Variants in CFAP77 observed in about 807,000 individuals in gnomAD.
The protein encoded by CFAP77 is cilia and flagella associated protein 77.
A neutral mutation model predicts 31.1 loss-of-function variants in CFAP77; 25 were observed. The observed-to-expected ratio is 0.80, with a 90% CI of 0.59 to 1.12. The LOEUF (loss-of-function observed/expected upper bound fraction) is 1.12. CFAP77 is among the 50% of genes most tolerant of loss of function. The pLI is 0.00. For missense variants in CFAP77, 377 were observed against 397.3 expected (o/e 0.95, Z 0.44); for synonymous variants, 151 against 159.9 (o/e 0.94, Z 0.42).
chr9:132,456,289 C>A (rs1057377284), intron 1 of CFAP77, among the ~76,000 whole-genome samples: 2 of 152,118 alleles, frequency 1.3e-5, no homozygotes, highest in Non-Finnish European at 2.9e-5. Context: ...TGTTGTCCTG[C>A]CCCCCATCTT....
chr9:132,464,300 A>G (rs1851113756), intron 1 of CFAP77, among the ~76,000 whole-genome samples: 1 of 151,996 alleles, frequency 6.6e-6, no homozygotes, highest in African/African-American at 2.4e-5. Context: ...CTCTCCCAGC[A>G]TCTCCCATTT....
chr9:132,562,289 G>A (rs1252724073), intron 5 of CFAP77, among the ~76,000 whole-genome samples: 1 of 152,206 alleles, frequency 6.6e-6, no homozygotes, highest in African/African-American at 2.4e-5. Flanking sequence ...AAGAGGAAAA[G>A]GCAATAGTCC....
rs533275755 is a variant in CFAP77, at chr9:132,521,778, T to TTTTTTTTG, written c.525-15817_525-15816insTGTTTTTT. On this transcript the variant is annotated intron_variant, in intron 3 of 5. Transcript: ENST00000393216. ...ATAGACTTGCTTTTTTTTTTTTTTT[T>TTTTTTTTG]TTTTTTGAGATGAAGTCTCACTCTG... is the stretch of plus-strand genomic sequence containing the variant. Among the ~76,000 whole-genome samples, 160 of 106,144 alleles carry TTTTTTTTG rather than the reference T, an allele frequency of 1.5e-3. 5 individuals are homozygous for TTTTTTTTG. The highest frequency in any genetic ancestry group is 4.7e-3 in the African/African-American group (123 of 26,042). 69.6% of individuals were successfully genotyped at this position (106,144 alleles called of 152,430 possible). A position where few individuals can be genotyped will look rare whatever the true frequency, so the allele number is the denominator to read the frequency against.
Position 132,481,974 on chromosome 9 carries a change from C to A in CFAP77, c.196-16721C>A, listed in dbSNP as rs1038779894. ...GGTTTATGGTTGGGGGGGGGGGGGGCGGCGGAACACTGAACATTTTTCTTC... is the reference window on the plus strand; with the variant it reads ...GGTTTATGGTTGGGGGGGGGGGGGGAGGCGGAACACTGAACATTTTTCTTC... On this transcript the variant is annotated intron_variant, in intron 1 of 5. Transcript: ENST00000393216. The surrounding 1 kb of genome is among the most constrained non-coding windows in gnomAD (Gnocchi z 5.0). 8.9e-5 allele frequency among the ~76,000 whole-genome samples: 7 copies of A among 78,508 alleles called. No individual in the cohort carries two copies. The East Asian group carries it at 1.7e-3, about 19-fold the overall frequency. 51.5% of individuals were successfully genotyped at this position (78,508 alleles called of 152,430 possible).
rs1391218696 is a variant in CFAP77 at position 132,481,895 on chromosome 9, C to G, written c.196-16800C>G. Reference sequence around the variant, plus strand: ...CAATAAGATATTATGAAATATACATCAAAACAAAAGTCACTGGAGCGGGCG... The same window carrying G: ...CAATAAGATATTATGAAATATACATGAAAACAAAAGTCACTGGAGCGGGCG... On this transcript the variant is annotated intron_variant, in intron 1 of 5. Coordinates refer to ENST00000393216, the MANE Select transcript of CFAP77 (RefSeq NM_001282957.2). The surrounding 1 kb of genome is among the most constrained non-coding windows in gnomAD (Gnocchi z 5.0). Among the ~76,000 whole-genome samples, 6 of 138,426 alleles carry G rather than the reference C, an allele frequency of 4.3e-5. No individual in the cohort carries two copies. The Admixed American group carries it at 4.6e-4, about 11-fold the overall frequency. The allele number at this position is 138,426 out of a possible 152,430, so 90.8% of individuals were successfully genotyped here.
In CFAP77 at chr9:132,554,924, GCATCCATCCATCCACCCATC is replaced by G. The variant is rs1296284437; in HGVS notation, c.732+11892_732+11911del. Among the ~76,000 whole-genome samples the G allele has an allele frequency of 1.4e-5, 2 of 138,814 alleles. No individual in the cohort carries two copies. The highest frequency in any genetic ancestry group is 3.1e-5 in the Non-Finnish European group (2 of 64,696). 91.1% of individuals were successfully genotyped at this position (138,814 alleles called of 152,430 possible). Reference sequence around the variant, plus strand: ...TCCATCCATCTATGCATGCATGCATGCATCCATCCATCCACCCATCCATCCATCCATCCATCCATCCATCC... The same window carrying G: ...TCCATCCATCTATGCATGCATGCATGCATCCATCCATCCATCCATCCATCC... On this transcript the variant is annotated intron_variant, in intron 5 of 5. Coordinates refer to ENST00000393216, the MANE Select transcript of CFAP77 (RefSeq NM_001282957.2). The surrounding 1 kb of genome is among the most constrained non-coding windows in gnomAD (Gnocchi z 4.1).
chr9:132,500,281 G>A (rs1851820501), intron 3 of CFAP77, among the ~76,000 whole-genome samples: 1 of 152,124 alleles, frequency 6.6e-6, no homozygotes, highest in African/African-American at 2.4e-5. Flanking sequence ...GCTCAAACGT[G>A]GACTCTGGCC....
chr9:132,485,318 C>T (rs1301141162), intron 1 of CFAP77, among the ~76,000 whole-genome samples: 1 of 152,186 alleles, frequency 6.6e-6, no homozygotes, highest in African/African-American at 2.4e-5. Context: ...TGGAGGCTCT[C>T]ATGATACCTA....
chr9:132,495,867 C>A lies in CFAP77; in HGVS notation c.196-2828C>A, dbSNP rs757071344. Among the ~76,000 whole-genome samples, 1 of 152,260 alleles carries A rather than the reference C, an allele frequency of 6.6e-6. No individual in the cohort carries two copies. The highest frequency in any genetic ancestry group is 2.1e-4 in the South Asian group (1 of 4,814). On this transcript the variant is annotated intron_variant, in intron 1 of 5. Coordinates refer to ENST00000393216, the MANE Select transcript of CFAP77 (RefSeq NM_001282957.2). The surrounding 1 kb of genome is among the most constrained non-coding windows in gnomAD (Gnocchi z 4.2). Reference sequence around the variant, plus strand: ...GCCACGTGAAGATACAACAAGAAGGCGGCCATCTGCAAACCAAGAAGAGAG... The same window carrying A: ...GCCACGTGAAGATACAACAAGAAGGAGGCCATCTGCAAACCAAGAAGAGAG...
intron 5 of CFAP77, among the ~76,000 whole-genome samples, chr9:132,548,282 T>TGGGGGGGGGGGGGGGGGGGGGGG (rs1852765914): frequency 5.9e-5 from 2 of 33,950 alleles, no homozygotes; most frequent in South Asian, 1.4e-3. Context: ...GGCGGGGGGG[T>TGGGGGGGGGGGGGGGGGGGGGGG]GGGGGGTGAA....
chr9:132,538,840 C>A (rs188573186), intron 4 of CFAP77, among the ~76,000 whole-genome samples: 2 of 151,868 alleles, frequency 1.3e-5, no homozygotes, highest in African/African-American at 4.8e-5. Context: ...GTAATCCCAG[C>A]ACTTTGAGAG....
At chr9:132,542,178 G>C (rs1057308192) in intron 4 of CFAP77, among the ~76,000 whole-genome samples, 4 of 152,224 alleles carry the variant, frequency 2.6e-5, no homozygotes, top group African/African-American at 9.6e-5. Context: ...CCCGGGGGCT[G>C]CCCTGAGCCA....
At chr9:132,445,594 G>C (rs568920763) in intron 1 of CFAP77, among the ~76,000 whole-genome samples, 1 of 152,180 alleles carries the variant, frequency 6.6e-6, no homozygotes, top group East Asian at 1.9e-4. Context: ...TATGCTGGGC[G>C]CGGTGGCTCA....
chr9:132,447,876 G>A (rs1658681007), intron 1 of CFAP77, among the ~76,000 whole-genome samples: 1 of 152,158 alleles, frequency 6.6e-6, no homozygotes, highest in Admixed American at 6.5e-5. Context: ...ATATCCACTG[G>A]AGGAAAGACC....
rs184046631 is a variant in CFAP77, at chr9:132,542,048, G to A, written c.631-898G>A. On this transcript the variant is annotated intron_variant, in intron 4 of 5. Transcript: ENST00000393216. ...CCCAATTTAAGAGAAAATACACAAAGGAAACCTGAGACCCTGTGAGCTCAT... is the reference window on the plus strand; with the variant it reads ...CCCAATTTAAGAGAAAATACACAAAAGAAACCTGAGACCCTGTGAGCTCAT... Among the ~76,000 whole-genome samples, 513 of 152,326 alleles carry A rather than the reference G, an allele frequency of 3.4e-3. 2 individuals are homozygous for A. Among genetic ancestry groups the A allele is most frequent in the Middle Eastern group, 0.014 (4 of 294 alleles).
intron 1 of CFAP77, among the ~76,000 whole-genome samples, chr9:132,446,793 G>T (rs529402936): frequency 1.3e-5 from 2 of 151,488 alleles, no homozygotes; most frequent in East Asian, 3.9e-4. Flanking sequence ...CTGACTGAGG[G>T]CTCTACTGTG....
At chr9:132,555,518 T>C (rs1852888624) in intron 5 of CFAP77, among the ~76,000 whole-genome samples, 1 of 152,198 alleles carries the variant, frequency 6.6e-6, no homozygotes, top group Non-Finnish European at 1.5e-5. Context: ...CGAGGAACCA[T>C]GTGGCTGGAT....
At chr9:132,559,068 C>T (rs754745372) in intron 5 of CFAP77, among the ~76,000 whole-genome samples, 11 of 151,510 alleles carry the variant, frequency 7.3e-5, no homozygotes, top group Middle Eastern at 3.4e-3. Context: ...AATGGGTGGC[C>T]GGGCACAGTG....
rs769398138 is a variant in CFAP77, at chr9:132,499,449, C to A, written c.373C>A (p.Arg125Ser). The A allele has an allele frequency of 6.2e-7, 1 of 1,614,204 alleles. No homozygotes were observed. Among genetic ancestry groups the A allele is most frequent in the Admixed American group, 1.7e-5 (1 of 60,028 alleles). The change falls in exon 3 of 6, where the codon CGC becomes AGC. Residue 125 changes from arginine to serine, a missense_variant. Arg to Ser is a moderately radical substitution (Grantham distance 110). Coordinates refer to ENST00000393216, the MANE Select transcript of CFAP77 (RefSeq NM_001282957.2). The surrounding 1 kb of genome is among the most constrained non-coding windows in gnomAD (Gnocchi z 5.4). ...ELTRNYIAMN[R>S]GAVKAGLVTA... ...GACCCGGAATTATATCGCAATGAACCGCGGGGCGGTGAAAGCCGGCCTGGT... is the reference window on the plus strand; with the variant it reads ...GACCCGGAATTATATCGCAATGAACAGCGGGGCGGTGAAAGCCGGCCTGGT...
Sources: allele counts gnomAD v4.1 joint callset (sites outside exome capture counted in the v4.1 genomes callset), GRCh38; gene constraint gnomAD v4.1.1; non-coding constraint Gnocchi (gnomAD v3.1); transcripts MANE v1.5; gene names NCBI Gene and HGNC (gene_info 2026-07-23, HGNC 2026-07-21).